RUVBL1: variants seen among roughly 807,000 people sequenced by gnomAD.
RUVBL1 encodes RuvB like AAA ATPase 1.
RUVBL1 carries 4 observed loss-of-function variants against 52.4 expected under a neutral mutation model. That is an observed-to-expected ratio of 0.08 (90% CI 0.04 to 0.17). RUVBL1 has a LOEUF of 0.17. Ranked by LOEUF, RUVBL1 falls within the 10% of genes least tolerant of loss-of-function variation. The pLI, the probability that RUVBL1 is intolerant of heterozygous loss-of-function variation, is 1.00. For missense variants in RUVBL1, 298 were observed against 572.8 expected, an observed-to-expected ratio of 0.52 and a Z score of 4.90; for synonymous variants, 217 against 214.4, an observed-to-expected ratio of 1.01 and a Z score of -0.10.
chr3:128,098,997 A>G (rs372712506), intron 6 of RUVBL1, 52 bp from the exon 7 acceptor site: 6 of 1,479,594 alleles, frequency 4.1e-6, no homozygotes, highest in Middle Eastern at 1.7e-4. Flanking sequence ...TGACTACAGA[A>G]GCCTCATCCC....
chr3:128,098,635 C>T (rs6787614), intron 7 of RUVBL1, among the ~76,000 whole-genome samples: 1 of 152,144 alleles, frequency 6.6e-6, no homozygotes, highest in African/African-American at 2.4e-5. Flanking sequence ...ACACAAATCC[C>T]TATTTCTGGG....
At chr3:128,107,605 G>T (rs984251095) in intron 3 of RUVBL1, among the ~76,000 whole-genome samples, 6 of 152,158 alleles carry the variant, frequency 3.9e-5, no homozygotes, top group African/African-American at 1.4e-4. Flanking sequence ...AGATATTAAA[G>T]TTAAGGAAAA....
chr3:128,136,627 A>AG, intron 1 of RUVBL1, among the ~76,000 whole-genome samples: 1 of 151,580 alleles, frequency 6.6e-6, no homozygotes, highest in South Asian at 2.1e-4. Flanking sequence ...CCCTGTCAAA[A>AG]AAAAAAAAAA....
intron 1 of RUVBL1, 139 bp downstream of exon 1, chr3:128,123,445 G>T: frequency 9.1e-7 from 1 of 1,101,206 alleles, no homozygotes. Flanking sequence ...CGAGCCCCTG[G>T]CCCATTTTCA....
intron 3 of RUVBL1, among the ~76,000 whole-genome samples, chr3:128,112,331 T>C (rs980924854): frequency 1.1e-4 from 17 of 152,244 alleles, no homozygotes; most frequent in African/African-American, 2.9e-4. Flanking sequence ...AAATGCGAAA[T>C]GTAGATTGAT....
At chr3:128,097,790 C>G (rs72986242) in intron 7 of RUVBL1, among the ~76,000 whole-genome samples, 1 of 152,216 alleles carries the variant, frequency 6.6e-6, no homozygotes, top group South Asian at 2.1e-4. Flanking sequence ...TCACAGCACA[C>G]GCTCACTGCT....
intron 1 of RUVBL1, among the ~76,000 whole-genome samples, chr3:128,133,965 A>T (rs1306769791): frequency 6.6e-6 from 1 of 152,208 alleles, no homozygotes; most frequent in Non-Finnish European, 1.5e-5. Context: ...AGACAATTCA[A>T]AATAGCTCTT....
intron 1 of RUVBL1, among the ~76,000 whole-genome samples, chr3:128,150,447 T>C (rs1026240605): frequency 1.3e-5 from 2 of 150,000 alleles, no homozygotes; most frequent in African/African-American, 4.9e-5. Context: ...TATACATATA[T>C]GTATATATAT....
intron 9 of RUVBL1, among the ~76,000 whole-genome samples, chr3:128,087,300 A>G (rs138956063): frequency 6.6e-6 from 1 of 152,372 alleles, no homozygotes; most frequent in Non-Finnish European, 1.5e-5. Flanking sequence ...TGAGTAGAAA[A>G]GGCCACAGGC....
chr3:128,114,663 C>T (rs1039882883), intron 2 of RUVBL1, among the ~76,000 whole-genome samples: 5 of 152,210 alleles, frequency 3.3e-5, no homozygotes, highest in African/African-American at 1.2e-4. Context: ...CCCTCATCCC[C>T]GTTGCCTGCC....
intron 1 of RUVBL1, among the ~76,000 whole-genome samples, chr3:128,152,204 T>C (rs912593211): frequency 6.6e-6 from 1 of 152,198 alleles, no homozygotes; most frequent in African/African-American, 2.4e-5. Flanking sequence ...CACTTCAGAA[T>C]CTAGTGAGAG....
upstream of RUVBL1, among the ~76,000 whole-genome samples, chr3:128,125,078 A>C (rs1309825651): frequency 1.6e-5 from 2 of 123,510 alleles, no homozygotes; most frequent in Admixed American, 1.1e-4. Context: ...GCAGTGGCGC[A>C]ATCTCGGCTC....
chr3:128,086,459 G>A (rs1249150052), intron 9 of RUVBL1, among the ~76,000 whole-genome samples: 4 of 152,206 alleles, frequency 2.6e-5, no homozygotes, highest in African/African-American at 4.8e-5. Flanking sequence ...AAAGCGCATC[G>A]AGACGTCACT....
Position 128,093,334 on chromosome 3 carries a change from G to T in RUVBL1, c.1016+3966C>A, listed in dbSNP as rs72986228. Among the ~76,000 whole-genome samples, 133 of 152,240 alleles carry T rather than the reference G, an allele frequency of 8.7e-4. 1 individual carries two copies. Among genetic ancestry groups the T allele is most frequent in the African/African-American group, 3.1e-3 (129 of 41,540 alleles). On this transcript the variant is annotated intron_variant, in intron 8 of 10. Coordinates refer to ENST00000322623, the MANE Select transcript of RUVBL1 (RefSeq NM_003707.3). ...ATGGTTGCCAGTGGATGGGGGTAAG[G>T]GTGCAGAAGGGGACGATGACTATTG...
Position 128,067,207 on chromosome 3 carries a change from A to G in RUVBL1, c.940-1987T>C, listed in dbSNP as rs1427134841. 9.2e-6 allele frequency: 14 copies of G among 1,513,516 alleles called. No individual in the cohort carries two copies. In the Admixed American group the frequency reaches 1.5e-4, roughly 16 times the overall value. 93.8% of individuals were successfully genotyped at this position (1,513,516 alleles called of 1,614,324 possible). ...ATGCAGCTAAGTTGCAGTGGTTTCT[A>G]TCAGTGTCTTGCTCATGAACAGATA... On this transcript the variant is annotated intron_variant, in intron 9 of 9. Transcript: ENST00000464873. The surrounding 1 kb of genome is among the most constrained non-coding windows in gnomAD (Gnocchi z 4.1).
chr3:128,109,060 A>G (rs1261059426), intron 3 of RUVBL1, among the ~76,000 whole-genome samples: 1 of 152,244 alleles, frequency 6.6e-6, no homozygotes. Flanking sequence ...TGATGATCAC[A>G]TAAACCATTC....
At chr3:128,119,176 A>T in intron 2 of RUVBL1, 152 bp downstream of exon 2, 1 of 505,648 alleles carries the variant, frequency 2.0e-6, no homozygotes, top group Non-Finnish European at 3.5e-6. Context: ...CAGGGATTTT[A>T]GATACCCAAT....
chr3:128,113,351 A>G (rs1394261288), intron 2 of RUVBL1, among the ~76,000 whole-genome samples: 1 of 152,236 alleles, frequency 6.6e-6, no homozygotes. Context: ...ACTGAGAGAC[A>G]TTAAGTAATG....
Position 128,067,374 on chromosome 3 carries a change from A to G in RUVBL1, c.940-2154T>C, listed in dbSNP as rs1337829203. On this transcript the variant is annotated intron_variant, in intron 9 of 9. Coordinates refer to the RUVBL1 transcript ENST00000464873. This position sits in a 1 kb window ranked among gnomAD's most constrained non-coding sequence, Gnocchi z 4.1. ...AGAACTATTTTTGCCTTGATGCTAA[A>G]GTAAAATGAAGGAGCACTCACATGC... is the stretch of plus-strand genomic sequence containing the variant. 1 of 1,569,808 alleles carries G rather than the reference A, an allele frequency of 6.4e-7. No individual in the cohort carries two copies. The highest frequency in any genetic ancestry group is 2.2e-5 in the East Asian group (1 of 44,556).
Sources: allele counts gnomAD v4.1 joint callset (sites outside exome capture counted in the v4.1 genomes callset), GRCh38; gene constraint gnomAD v4.1.1; non-coding constraint Gnocchi (gnomAD v3.1); transcripts MANE v1.5; gene names NCBI Gene and HGNC (gene_info 2026-07-23, HGNC 2026-07-21).